Variants in EXOC4 observed in about 807,000 individuals in gnomAD.
EXOC4 encodes exocyst complex component 4.
In EXOC4, 71 loss-of-function variants were observed where a neutral mutation model predicts 107.2. The observed-to-expected ratio is 0.66, with a 90% CI of 0.55 to 0.81. The LOEUF (loss-of-function observed/expected upper bound fraction) is 0.81. Among genes scored for constraint, EXOC4 ranks in the 30% least tolerant of loss-of-function variants. EXOC4 has a pLI of 0.00. For synonymous variants in EXOC4, 456 were observed against 441.2 expected (o/e 1.03, Z -0.42); for missense variants, 1,108 against 1,189.6 (o/e 0.93, Z 1.01).
intron 4 of EXOC4, among the ~76,000 whole-genome samples, chr7:133,316,887 C>T (rs1269814028): frequency 6.6e-6 from 1 of 152,114 alleles, no homozygotes; most frequent in Admixed American, 6.5e-5. Context: ...AGTATCATGG[C>T]ATGTTGTCAT....
intron 10 of EXOC4, among the ~76,000 whole-genome samples, chr7:133,643,520 C>G (rs1184172204): frequency 6.6e-6 from 1 of 152,050 alleles, no homozygotes; most frequent in Non-Finnish European, 1.5e-5. Context: ...ATTAACCATC[C>G]CAAGTCCACC....
At chr7:134,055,348 C>G (rs1010809266) in intron 17 of EXOC4, among the ~76,000 whole-genome samples, 1 of 152,214 alleles carries the variant, frequency 6.6e-6, no homozygotes, top group Admixed American at 6.5e-5. Flanking sequence ...ACTCTCCATT[C>G]AGCCTCCCCC....
chr7:133,938,194 G>T, intron 14 of EXOC4, 125 bp downstream of exon 14: 1 of 901,128 alleles, frequency 1.1e-6, no homozygotes, highest in Non-Finnish European at 1.7e-6. Context: ...AGAAGATCCT[G>T]GTTAGAATTC....
At chr7:133,597,249 C>G (rs912913703) in intron 9 of EXOC4, among the ~76,000 whole-genome samples, 4 of 152,168 alleles carry the variant, frequency 2.6e-5, no homozygotes, top group Non-Finnish European at 5.9e-5. Context: ...GATATGACAG[C>G]CTTCTTGCAT....
At chr7:133,280,569 A>G (rs1314659436) in intron 2 of EXOC4, among the ~76,000 whole-genome samples, 1 of 152,214 alleles carries the variant, frequency 6.6e-6, no homozygotes, top group African/African-American at 2.4e-5. Flanking sequence ...ACAAACACTT[A>G]ACATTTCATC....
intron 9 of EXOC4, among the ~76,000 whole-genome samples, chr7:133,545,842 G>A (rs1584989637): frequency 6.6e-6 from 1 of 152,160 alleles, no homozygotes; most frequent in Admixed American, 6.5e-5. Flanking sequence ...CAATACATGA[G>A]GATGGTTGGC....
chr7:133,833,157 T>A (rs973807816), intron 11 of EXOC4, among the ~76,000 whole-genome samples: 1 of 151,794 alleles, frequency 6.6e-6, no homozygotes, highest in Admixed American at 6.6e-5. Flanking sequence ...TGGTAGACTC[T>A]GCAAAACTTA....
intron 9 of EXOC4, among the ~76,000 whole-genome samples, chr7:133,566,281 C>G (rs935788354): frequency 6.6e-6 from 1 of 152,004 alleles, no homozygotes; most frequent in Non-Finnish European, 1.5e-5. Context: ...AGTCAGAAGC[C>G]AGTAATTAGA....
chr7:133,500,603 T>C (rs978103889), intron 9 of EXOC4, among the ~76,000 whole-genome samples: 2 of 152,204 alleles, frequency 1.3e-5, no homozygotes, highest in African/African-American at 4.8e-5. Flanking sequence ...CCTGAACATT[T>C]GTGTGCAGGT....
intron 10 of EXOC4, among the ~76,000 whole-genome samples, chr7:133,695,635 A>T (rs1794517165): frequency 6.6e-6 from 1 of 152,188 alleles, no homozygotes; most frequent in Non-Finnish European, 1.5e-5. Flanking sequence ...TAATTAACTA[A>T]TGACATATTA....
intron 9 of EXOC4, among the ~76,000 whole-genome samples, chr7:133,590,831 C>G (rs1159232890): frequency 2.6e-5 from 4 of 152,178 alleles, no homozygotes; most frequent in Admixed American, 2.6e-4. Context: ...CCAAACGAGA[C>G]CTTGGGATAC....
At chr7:133,603,860 A>G (rs1164037101) in intron 9 of EXOC4, among the ~76,000 whole-genome samples, 1 of 152,108 alleles carries the variant, frequency 6.6e-6, no homozygotes, top group African/African-American at 2.4e-5. Context: ...TAAACAGCTT[A>G]CTGTAACTTT....
intron 11 of EXOC4, among the ~76,000 whole-genome samples, chr7:133,845,797 A>G (rs1214581794): frequency 1.3e-5 from 2 of 152,184 alleles, no homozygotes; most frequent in Non-Finnish European, 2.9e-5. Context: ...TAATCATGCC[A>G]TGAACACAAG....
chr7:133,630,308 A>G (rs1360321343), intron 10 of EXOC4, 167 bp downstream of exon 10: 6 of 550,686 alleles, frequency 1.1e-5, no homozygotes, highest in South Asian at 2.8e-5. Flanking sequence ...GATAATCTCA[A>G]TCCCACTGAG....
intron 9 of EXOC4, among the ~76,000 whole-genome samples, chr7:133,611,858 T>C (rs781119085): frequency 1.3e-4 from 20 of 152,184 alleles, no homozygotes; most frequent in Non-Finnish European, 2.5e-4. Context: ...CTTCTAATCT[T>C]TCATAACACA....
rs114292898 is a variant in EXOC4, at chr7:133,545,470, G to A, written c.1417+65332G>A. On this transcript the variant is annotated intron_variant, in intron 9 of 17. Coordinates refer to ENST00000253861, the MANE Select transcript of EXOC4 (RefSeq NM_021807.4). The stretch of plus-strand genomic sequence containing the variant: ...CTTATAGCTGATCAATAAATACTAG[G>A]TTCTTTCCCTTTTCCCATTAAATGC... Among the ~76,000 whole-genome samples, 996 of 152,134 alleles carry A rather than the reference G, an allele frequency of 6.5e-3. 8 individuals carry two copies. Among genetic ancestry groups the A allele is most frequent in the African/African-American group, 0.02 (814 of 41,540 alleles).
chr7:133,969,955 C>T (rs1309407019), intron 14 of EXOC4, among the ~76,000 whole-genome samples: 1 of 152,220 alleles, frequency 6.6e-6, no homozygotes, highest in East Asian at 1.9e-4. Context: ...GCTGCCCCTT[C>T]CCCCAGGTGC....
In EXOC4 at chr7:133,538,360, A is replaced by G. The variant is rs112314254; in HGVS notation, c.1417+58222A>G. On this transcript the variant is annotated intron_variant, in intron 9 of 17. Coordinates refer to ENST00000253861, the MANE Select transcript of EXOC4 (RefSeq NM_021807.4). ...TTTGCTGTTAAATGGTTTCCTTTCC[A>G]TCCGTAGCTTGACAAACATCTCCTT... 1.8e-3 allele frequency among the ~76,000 whole-genome samples: 278 copies of G among 152,262 alleles called. 1 individual carries two copies. Among genetic ancestry groups the G allele is most frequent in the African/African-American group, 6.2e-3 (259 of 41,552 alleles).
chr7:133,978,626 A>G (rs1009691655), intron 14 of EXOC4, among the ~76,000 whole-genome samples: 2 of 152,206 alleles, frequency 1.3e-5, no homozygotes, highest in African/African-American at 4.8e-5. Flanking sequence ...CGTTGGAAGG[A>G]TACAAAAAGC....
Sources: gnomAD v4.1 joint callset for allele counts (sites outside exome capture counted in the v4.1 genomes callset) on GRCh38, gnomAD v4.1.1 for gene constraint, MANE v1.5 for transcripts, NCBI Gene and HGNC (gene_info 2026-07-23, HGNC 2026-07-21) for gene names.